KIAA1671: variants seen among roughly 807,000 people sequenced by gnomAD.
The protein encoded by KIAA1671 is uncharacterized protein KIAA1671.
Under a neutral mutation model 131.2 loss-of-function variants are expected in KIAA1671, and 52 were observed. The ratio of observed to expected loss-of-function variants is 0.40; its 90% confidence interval spans 0.32 to 0.50. The LOEUF is 0.50. Ranked by LOEUF, KIAA1671 falls within the 20% of genes least tolerant of loss-of-function variation. The pLI, the probability that KIAA1671 is intolerant of heterozygous loss-of-function variation, is 0.73. For missense variants in KIAA1671, 2,360 were observed against 2,364.2 expected (o/e 1.00, Z 0.04); for synonymous variants, 1,003 against 961.6 (o/e 1.04, Z -0.80).
At chr22:25,099,501 G>A (rs185062752) in intron 6 of KIAA1671, among the ~76,000 whole-genome samples, 161 of 149,850 alleles carry the variant, frequency 1.1e-3, no homozygotes, top group African/African-American at 3.5e-3. Context: ...GGGAAGGGGG[G>A]CATTTCTCTT....
chr22:25,112,434 G>C, intron 6 of KIAA1671: 1 of 399,072 alleles, frequency 2.5e-6, no homozygotes, highest in South Asian at 1.3e-4. Flanking sequence ...CTGAGGAAAA[G>C]GCATACAGAT....
At chr22:25,163,312 G>C (rs1933513420) in intron 6 of KIAA1671, among the ~76,000 whole-genome samples, 1 of 130,086 alleles carries the variant, frequency 7.7e-6, no homozygotes, top group South Asian at 2.8e-4. Flanking sequence ...CTGGGTGATA[G>C]AGTGAGACAT....
chr22:24,961,225 C>T (rs914991814), intron 1 of KIAA1671, among the ~76,000 whole-genome samples: 2 of 152,092 alleles, frequency 1.3e-5, no homozygotes, highest in African/African-American at 4.8e-5. Context: ...GTTTCAAACT[C>T]CTCAAGCGAT....
chr22:25,163,438 T>C, intron 6 of KIAA1671, among the ~76,000 whole-genome samples: 1 of 76,044 alleles, frequency 1.3e-5, no homozygotes, highest in African/African-American at 6.0e-5. Context: ...TCCTTGGCTG[T>C]ATTTTTTTTT....
chr22:25,184,873 C>G (rs977988705), intron 10 of KIAA1671, 104 bp from the exon 11 acceptor site: 224 of 1,349,952 alleles, frequency 1.7e-4, no homozygotes, highest in Middle Eastern at 2.5e-4. Flanking sequence ...ATTCAGGGGG[C>G]CCCGAGTGTT....
intron 11 of KIAA1671, among the ~76,000 whole-genome samples, chr22:25,187,147 C>G (rs887574320): frequency 1.3e-5 from 2 of 152,254 alleles, no homozygotes; most frequent in African/African-American, 2.4e-5. Context: ...GTACCACCAA[C>G]AGGCCAGCAT....
At chr22:25,055,041 C>CT (rs1927764034) in intron 6 of KIAA1671, 1 of 149,760 alleles carries the variant, frequency 6.7e-6, no homozygotes, top group African/African-American at 2.4e-5. Context: ...TCCCACATCT[C>CT]TAACTGGTGA....
chr22:25,044,923 G>C (rs1039439252), intron 5 of KIAA1671, among the ~76,000 whole-genome samples: 1 of 152,178 alleles, frequency 6.6e-6, no homozygotes, highest in Admixed American at 6.5e-5. Context: ...CACTTTGGGA[G>C]GCCGAGGCGG....
At chr22:25,066,311 G>A (rs1928474310) in intron 6 of KIAA1671, among the ~76,000 whole-genome samples, 1 of 152,110 alleles carries the variant, frequency 6.6e-6, no homozygotes, top group African/African-American at 2.4e-5. Context: ...ACCACACCAG[G>A]CTAAGTTTTC....
At chr22:25,146,653 C>T (rs1456533802) in intron 6 of KIAA1671, among the ~76,000 whole-genome samples, 1 of 152,158 alleles carries the variant, frequency 6.6e-6, no homozygotes, top group African/African-American at 2.4e-5. Flanking sequence ...CTTCAGTTTC[C>T]CCATCTGAAA....
In KIAA1671 at chr22:25,117,365, C is replaced by T. The variant is rs1469689026; in HGVS notation, c.4531-53455C>T. Among the ~76,000 whole-genome samples, 4 of 152,052 alleles carry T rather than the reference C, an allele frequency of 2.6e-5. 1 individual carries two copies. The highest frequency in any genetic ancestry group is 4.2e-4 in the South Asian group (2 of 4,818). On this transcript the variant is annotated intron_variant, in intron 6 of 12. Coordinates refer to ENST00000358431, the MANE Select transcript of KIAA1671 (RefSeq NM_001145206.2). ...TCTGAAGCACAGAGAGGGGAAGTCACAGGACTGGGGATCCATGAAGTGGGG... is the reference window on the plus strand; with the variant it reads ...TCTGAAGCACAGAGAGGGGAAGTCATAGGACTGGGGATCCATGAAGTGGGG...
At chr22:25,024,451 T>C (rs963374707) in intron 1 of KIAA1671, 2 of 152,164 alleles carry the variant, frequency 1.3e-5, no homozygotes, top group African/African-American at 2.4e-5. Context: ...GGTTGGTAGA[T>C]TGAGCCTCTG....
At position 25,038,873 on chromosome 22, in the gene KIAA1671, C is replaced by T. The variant is rs1926757917; in HGVS notation, c.1743C>T (p.Asp581=). Residue 581 remains aspartate (D), a synonymous_variant, in exon 5 of 13, where the codon GAC becomes GAT. Coordinates refer to ENST00000358431, the MANE Select transcript of KIAA1671 (RefSeq NM_001145206.2). The part of the protein sequence containing the change: ...QTEQKVSSNQ[D]PDSCRGGSSV... ...AGCAGAAGGTTAGCTCTAACCAAGA[C>T]CCCGACAGCTGTCGCGGTGGAAGCT... The T allele has an allele frequency of 3.2e-6, 5 of 1,551,664 alleles. No homozygotes were observed.
At chr22:24,961,873 A>G (rs1376306113) in intron 1 of KIAA1671, among the ~76,000 whole-genome samples, 3 of 152,230 alleles carry the variant, frequency 2.0e-5, no homozygotes, top group Non-Finnish European at 4.4e-5. Flanking sequence ...ATCATGGCTC[A>G]TGATTTGTGT....
chr22:25,154,466 T>A (rs1933159145), intron 6 of KIAA1671, among the ~76,000 whole-genome samples: 1 of 152,216 alleles, frequency 6.6e-6, no homozygotes, highest in Admixed American at 6.5e-5. Context: ...TACCATCCAC[T>A]TGGGTGTTTT....
intron 1 of KIAA1671, among the ~76,000 whole-genome samples, chr22:25,003,906 C>T (rs1323561286): frequency 6.6e-6 from 1 of 151,554 alleles, no homozygotes; most frequent in Non-Finnish European, 1.5e-5. Flanking sequence ...CAGCCTCTGC[C>T]TCCTGGGTTC....
chr22:24,953,155 G>A (rs1239026895), intron 1 of KIAA1671, among the ~76,000 whole-genome samples: 1 of 152,204 alleles, frequency 6.6e-6, no homozygotes, highest in African/African-American at 2.4e-5. Flanking sequence ...CCCAGTCAGG[G>A]GTGACGGCGA....
chr22:24,976,178 G>T (rs1922900669), intron 1 of KIAA1671, among the ~76,000 whole-genome samples: 1 of 152,232 alleles, frequency 6.6e-6, no homozygotes, highest in South Asian at 2.1e-4. Context: ...CCCCTGGGAA[G>T]GATTGCTCCA....
rs1926783264 is a variant in KIAA1671, at chr22:25,039,253, C to G, written c.2123C>G (p.Ser708Cys). Reference sequence around the variant, plus strand: ...CCTCTCCGGGACAAATACCCTTTGTCTGAAAACCACAATAATAACACCTTC... The same window carrying G: ...CCTCTCCGGGACAAATACCCTTTGTGTGAAAACCACAATAATAACACCTTC... The part of the protein sequence containing the change: ...HTPLRDKYPL[S>C]ENHNNNTFLK... Residue 708 changes from serine (S) to cysteine (C), a missense_variant, in exon 5 of 13, where the codon TCT becomes TGT. Transcript: ENST00000358431. 2 of 1,552,348 alleles carry G rather than the reference C, an allele frequency of 1.3e-6. No individual in the cohort carries two copies. The highest frequency in any genetic ancestry group is 8.7e-7 in the Non-Finnish European group (1 of 1,147,134).
Sources: allele counts gnomAD v4.1 joint callset (sites outside exome capture counted in the v4.1 genomes callset), GRCh38; gene constraint gnomAD v4.1.1; transcripts MANE v1.5; gene names NCBI Gene and HGNC (gene_info 2026-07-23, HGNC 2026-07-21).